OSBPL8: variants seen among roughly 807,000 people sequenced by gnomAD.
The protein encoded by OSBPL8 is oxysterol-binding protein-related protein 8.
OSBPL8 carries 59 observed loss-of-function variants against 125.5 expected under a neutral mutation model. That is an observed-to-expected ratio of 0.47 (90% confidence interval 0.38 to 0.58). OSBPL8 has a LOEUF of 0.58. OSBPL8 is among the 20% of genes least tolerant of loss of function. The pLI is 0.00. For missense variants in OSBPL8, 758 were observed against 1,047.8 expected (o/e 0.72, Z 3.82); for synonymous variants, 330 against 338.9 (o/e 0.97, Z 0.29).
chr12:76,390,489 GAT>G lies in OSBPL8; in HGVS notation c.1096_1097del (p.Ile366ArgfsTer3). ...DTSERQDDSY[I>X]EPEPVEPLKE... Reference sequence around the variant, plus strand: ...TTAAAGGCTCAACAGGCTCAGGTTCGATATATGAGTCATCTTGTCTTTCTGAT... The same window carrying G: ...TTAAAGGCTCAACAGGCTCAGGTTCGATATGAGTCATCTTGTCTTTCTGAT... On this transcript the variant is annotated frameshift_variant, in exon 11 of 24. Coordinates refer to ENST00000261183, the MANE Select transcript of OSBPL8 (RefSeq NM_020841.5). LOFTEE classifies it high-confidence loss of function. The G allele has an allele frequency of 6.2e-7, 1 of 1,613,826 alleles. No individual in the cohort carries two copies. The highest frequency in any genetic ancestry group is 1.1e-5 in the South Asian group (1 of 91,066).
chr12:76,370,771 T>C (rs938166516), intron 19 of OSBPL8, among the ~76,000 whole-genome samples: 1 of 152,142 alleles, frequency 6.6e-6, no homozygotes, highest in East Asian at 1.9e-4. Flanking sequence ...TGAATTCCCA[T>C]GACAGAGAAT....
intron 2 of OSBPL8, among the ~76,000 whole-genome samples, chr12:76,486,448 A>AG (rs1471501816): frequency 1.3e-5 from 2 of 152,228 alleles, no homozygotes; most frequent in Non-Finnish European, 2.9e-5. Context: ...ATTTTACTGA[A>AG]GGGGGCACCT....
At chr12:76,556,207 T>C (rs1565996184) in intron 1 of OSBPL8, among the ~76,000 whole-genome samples, 2 of 152,310 alleles carry the variant, frequency 1.3e-5, no homozygotes, top group East Asian at 1.9e-4. Context: ...GGAGATTCAA[T>C]GGTGAGCAAA....
intron 1 of OSBPL8, among the ~76,000 whole-genome samples, chr12:76,492,329 T>C (rs1878804972): frequency 6.6e-6 from 1 of 152,142 alleles, no homozygotes; most frequent in South Asian, 2.1e-4. Context: ...GAAAGCAATG[T>C]AGCTAGAACA....
chr12:76,480,485 A>G (rs1877353285), intron 2 of OSBPL8, among the ~76,000 whole-genome samples: 1 of 152,194 alleles, frequency 6.6e-6, no homozygotes, highest in South Asian at 2.1e-4. Flanking sequence ...TTCAAGAATA[A>G]CTTCTATTAA....
intron 4 of OSBPL8, among the ~76,000 whole-genome samples, chr12:76,436,935 A>C (rs1871529964): frequency 6.6e-6 from 1 of 152,148 alleles, no homozygotes; most frequent in Non-Finnish European, 1.5e-5. Flanking sequence ...ACTTGTTTTT[A>C]AACTTTACAT....
intron 1 of OSBPL8, among the ~76,000 whole-genome samples, chr12:76,515,432 T>C (rs749234985): frequency 1.1e-4 from 17 of 152,192 alleles, no homozygotes; most frequent in Non-Finnish European, 2.2e-4. Flanking sequence ...AGAGGTATTT[T>C]TGGTGTTGAA....
chr12:76,456,751 A>T (rs1874099092), intron 3 of OSBPL8, among the ~76,000 whole-genome samples: 1 of 152,202 alleles, frequency 6.6e-6, no homozygotes, highest in Admixed American at 6.5e-5. Context: ...GTATTATGTA[A>T]TACAATATAT....
rs76687431 is a variant in OSBPL8 at position 76,430,225 on chromosome 12, C to A, written c.218-19591G>T. Among the ~76,000 whole-genome samples, 994 of 152,204 alleles carry A rather than the reference C, an allele frequency of 6.5e-3. 6 individuals carry two copies. The highest frequency in any genetic ancestry group is 0.037 in the Middle Eastern group (11 of 294). ...TGTGGCCCTATATCATGATTTCACC[C>A]CTGCTGAACTGCAGTTCAGAGATAG... On this transcript the variant is annotated intron_variant, in intron 4 of 23. Transcript: ENST00000261183.
Position 76,353,235 on chromosome 12 carries a change from C to A in OSBPL8, c.*2654G>T, listed in dbSNP as rs1368511907. ...GTGATATAAAACAAAAAAGTACTAACATGAAATACAAATAAAATATCTATT... is the reference window on the plus strand; with the variant it reads ...GTGATATAAAACAAAAAAGTACTAAAATGAAATACAAATAAAATATCTATT... On this transcript the variant is annotated 3_prime_UTR_variant, in exon 24 of 24. Transcript: ENST00000261183. 6.6e-6 allele frequency: 1 copy of A among 151,382 alleles called. No individual in the cohort carries two copies. Among genetic ancestry groups the A allele is most frequent in the Non-Finnish European group, 1.5e-5 (1 of 67,676 alleles). 9.4% of individuals were successfully genotyped at this position (151,382 alleles called of 1,614,324 possible).
chr12:76,500,041 G>C (rs1457533250), intron 1 of OSBPL8, among the ~76,000 whole-genome samples: 1 of 152,088 alleles, frequency 6.6e-6, no homozygotes, highest in Admixed American at 6.5e-5. Context: ...CTGCCTTCAC[G>C]CCTACATATT....
chr12:76,418,808 G>A (rs1028781644), intron 4 of OSBPL8, among the ~76,000 whole-genome samples: 4 of 152,102 alleles, frequency 2.6e-5, no homozygotes, highest in African/African-American at 9.7e-5. Flanking sequence ...GCTCCAGCCT[G>A]GGCGACAGAG....
chr12:76,496,208 AG>A (rs1195781754), intron 1 of OSBPL8, among the ~76,000 whole-genome samples: 1 of 151,922 alleles, frequency 6.6e-6, no homozygotes, highest in Non-Finnish European at 1.5e-5. Flanking sequence ...CAGGAATTTA[AG>A]TGCTCTGCTG....
chr12:76,519,217 T>C (rs1017688967), intron 1 of OSBPL8, among the ~76,000 whole-genome samples: 2 of 152,216 alleles, frequency 1.3e-5, no homozygotes, highest in Admixed American at 6.5e-5. Flanking sequence ...CTTAAGTCAT[T>C]ACTCTTAAGT....
At chr12:76,384,181 A>G in intron 15 of OSBPL8, 73 bp downstream of exon 15, 2 of 807,296 alleles carry the variant, frequency 2.5e-6, no homozygotes, top group Non-Finnish European at 1.9e-6. Context: ...AGCCCATGAC[A>G]CTGCCTAAAT....
intron 1 of OSBPL8, among the ~76,000 whole-genome samples, chr12:76,517,461 A>G (rs140507475): frequency 2.6e-5 from 4 of 152,296 alleles, no homozygotes; most frequent in East Asian, 3.9e-4. Flanking sequence ...GTATTCATTA[A>G]TAAGTTTATT....
At chr12:76,359,265 A>T (rs1952105810) in intron 21 of OSBPL8, among the ~76,000 whole-genome samples, 1 of 152,202 alleles carries the variant, frequency 6.6e-6, no homozygotes, top group Admixed American at 6.5e-5. Flanking sequence ...ATTCCCACTG[A>T]ACAATGCTGG....
intron 6 of OSBPL8, among the ~76,000 whole-genome samples, chr12:76,400,874 C>A (rs892163741): frequency 6.6e-6 from 1 of 151,276 alleles, no homozygotes; most frequent in Non-Finnish European, 1.5e-5. Context: ...CTACAACCTC[C>A]GCCTCCTGGG....
chr12:76,373,607 T>C (rs1330499107), intron 17 of OSBPL8, 174 bp from the exon 18 acceptor site: 2 of 475,072 alleles, frequency 4.2e-6, no homozygotes, highest in Non-Finnish European at 7.4e-6. Context: ...ATAAGAAATC[T>C]GAATTGCTGC....
Sources: gnomAD v4.1 joint callset for allele counts (sites outside exome capture counted in the v4.1 genomes callset) on GRCh38, gnomAD v4.1.1 for gene constraint, MANE v1.5 for transcripts, NCBI Gene and HGNC (gene_info 2026-07-23, HGNC 2026-07-21) for gene names.